Variants in DGKK observed in about 807,000 individuals in gnomAD.
DGKK encodes the protein diacylglycerol kinase kappa.
Under a neutral mutation model 92.2 loss-of-function variants are expected in DGKK, and 35 were observed. The observed-to-expected ratio is 0.38, with a 90% CI of 0.29 to 0.50. The LOEUF is 0.50. DGKK is among the 20% of genes least tolerant of loss of function. The probability of loss-of-function intolerance (pLI) is 0.92; values close to 1 mark genes in which losing one functional copy is unlikely to be tolerated. For synonymous variants in DGKK, 368 were observed against 360.6 expected, an observed-to-expected ratio of 1.02 and a Z score of -0.23; for missense variants, 910 against 992.2, an observed-to-expected ratio of 0.92 and a Z score of 1.11.
chrX:50,464,702 T>G (rs1926850189), intron 1 of DGKK, among the ~76,000 whole-genome samples: 1 of 111,197 alleles, frequency 9.0e-6, no homozygotes, highest in Admixed American at 9.6e-5. Context: ...TTTTTGTTTT[T>G]GGGAGAATAA....
intron 2 of DGKK, 142 bp downstream of exon 2, chrX:50,424,106 A>G: frequency 2.3e-6 from 1 of 431,791 alleles, no homozygotes; most frequent in Non-Finnish European, 3.9e-6. Flanking sequence ...TTGACCCAAA[A>G]GGGCAAGTTA....
Position 50,403,127 on chromosome X carries a change from C to T in DGKK, c.1242G>A (p.Val414=). The change falls in exon 7 of 28, where the codon GTG becomes GTA. Residue 414 remains valine (V), a synonymous_variant. Coordinates refer to ENST00000611977, the MANE Select transcript of DGKK (RefSeq NM_001013742.4). ...GNMPVSSQCA[V]CHESCGSYQR... The stretch of plus-strand genomic sequence containing the variant: ...GATAACTGCCACAGCTCTCATGACA[C>T]ACTGCACACTGAGAGCTGACAGGCA... 8.3e-7 allele frequency: 1 copy of T among 1,207,473 alleles called. No homozygotes were observed. The highest frequency in any genetic ancestry group is 1.1e-6 in the Non-Finnish European group (1 of 893,262).
chrX:50,381,747 A>T (rs1212422194), intron 18 of DGKK, among the ~76,000 whole-genome samples: 3 of 112,192 alleles, frequency 2.7e-5, no homozygotes, highest in African/African-American at 9.7e-5. Context: ...AAAACTGATC[A>T]ATTGGACCGC....
chrX:50,447,383 A>T lies in DGKK; in HGVS notation c.645+22651T>A, dbSNP rs78220687. Among the ~76,000 whole-genome samples the T allele has an allele frequency of 1.6e-3, 17 of 10,685 alleles. 1 individual carries two copies. Among genetic ancestry groups the T allele is most frequent in the African/African-American group, 7.2e-3 (8 of 1,115 alleles). The allele number at this position is 10,685 out of a possible 115,157, so 9.3% of individuals were successfully genotyped here. A position where few individuals can be genotyped will look rare whatever the true frequency, so the allele number is the denominator to read the frequency against. On this transcript the variant is annotated intron_variant, in intron 1 of 27. Transcript: ENST00000611977. ...ATATATATATATTATATATATATAT[A>T]ATATATATATATTATATATATATAT...
intron 1 of DGKK, among the ~76,000 whole-genome samples, chrX:50,439,428 G>A (rs142731226): frequency 0.013 from 1,400 of 110,888 alleles, 17 homozygotes; most frequent in African/African-American, 0.044. Flanking sequence ...CTCTCAGTAG[G>A]GATCAAGATA....
intron 8 of DGKK, among the ~76,000 whole-genome samples, chrX:50,398,595 G>A (rs1422193189): frequency 2.7e-5 from 3 of 111,617 alleles, no homozygotes; most frequent in Non-Finnish European, 5.6e-5. Context: ...TATCACTGGT[G>A]GAAAGAAGAA....
chrX:50,391,421 T>C lies in DGKK; in HGVS notation c.1844+16A>G. On this transcript the variant is annotated intron_variant, in intron 11 of 27. Coordinates refer to ENST00000611977, the MANE Select transcript of DGKK (RefSeq NM_001013742.4). ...GACAGGAAGAGGCACAAGGGCCTGG[T>C]CTTTCAGCCACTTACCTGTCTAGGA... 8.3e-7 allele frequency: 1 copy of C among 1,209,092 alleles called. No homozygotes were observed. The highest frequency in any genetic ancestry group is 1.1e-6 in the Non-Finnish European group (1 of 893,819).
At chrX:50,406,130 TC>T (rs1156699551) in intron 4 of DGKK, among the ~76,000 whole-genome samples, 1 of 112,145 alleles carries the variant, frequency 8.9e-6, no homozygotes, top group African/African-American at 3.2e-5. Context: ...GTGAAGCTCT[TC>T]TAGAATGTGC....
chrX:50,456,026 C>T (rs1926602337), intron 1 of DGKK, among the ~76,000 whole-genome samples: 1 of 111,911 alleles, frequency 8.9e-6, no homozygotes, highest in African/African-American at 3.2e-5. Context: ...AGTGCACAAC[C>T]TGTACAACTT....
At chrX:50,463,209 C>T (rs1309205198) in intron 1 of DGKK, among the ~76,000 whole-genome samples, 2 of 106,393 alleles carry the variant, frequency 1.9e-5, no homozygotes, top group African/African-American at 6.8e-5. Context: ...CTTTCCCACC[C>T]CTCCTTCTCT....
intron 10 of DGKK, among the ~76,000 whole-genome samples, chrX:50,391,875 T>A (rs1394790763): frequency 8.9e-6 from 1 of 112,229 alleles, no homozygotes; most frequent in Non-Finnish European, 1.9e-5. Flanking sequence ...AATTTCTATC[T>A]GGGCTGGGCC....
At chrX:50,463,363 C>T (rs1291538509) in intron 1 of DGKK, among the ~76,000 whole-genome samples, 1 of 81 alleles carries the variant, frequency 0.012, no homozygotes, top group Non-Finnish European at 0.017. Flanking sequence ...TTCTTTTTCC[C>T]TCTCCACCTC....
chrX:50,463,568 C>T (rs1452197133), intron 1 of DGKK, among the ~76,000 whole-genome samples: 6 of 100,565 alleles, frequency 6.0e-5, no homozygotes, highest in Non-Finnish European at 1.0e-4. Context: ...CCTTCTCTTC[C>T]TTCTTTCTCC....
intron 4 of DGKK, among the ~76,000 whole-genome samples, chrX:50,405,994 T>C (rs1925143606): frequency 8.9e-6 from 1 of 111,790 alleles, no homozygotes. Context: ...ACCTATTATG[T>C]ATCATCTACC....
At chrX:50,386,734 T>C in intron 14 of DGKK, 148 bp from the exon 15 acceptor site, 1 of 476,020 alleles carries the variant, frequency 2.1e-6, no homozygotes, top group Non-Finnish European at 3.5e-6. Flanking sequence ...TGTGAGAAGA[T>C]GAAGTACTTA....
rs1416297398 is a variant in DGKK at position 50,404,287 on chromosome X, G to T, written c.943-103C>A. 7 of 910,634 alleles carry T rather than the reference G, an allele frequency of 7.7e-6. No homozygotes were observed. The East Asian group carries it at 1.8e-4, about 24-fold the overall frequency. 75.0% of individuals were successfully genotyped at this position (910,634 alleles called of 1,213,427 possible). A position where few individuals can be genotyped will look rare whatever the true frequency, so the allele number is the denominator to read the frequency against. On this transcript the variant is annotated intron_variant, in intron 4 of 27. Coordinates refer to ENST00000611977, the MANE Select transcript of DGKK (RefSeq NM_001013742.4). ...TAAGTCTAAAATGGCCTGCTGTATA[G>T]GTGTCAGAGCGTGTGAAGGGGAAGA... is the stretch of plus-strand genomic sequence containing the variant.
intron 1 of DGKK, among the ~76,000 whole-genome samples, chrX:50,428,597 A>C (rs1453293873): frequency 8.9e-6 from 1 of 111,956 alleles, no homozygotes; most frequent in Non-Finnish European, 1.9e-5. Context: ...TTGTTAATTA[A>C]GTTAGAATGC....
At chrX:50,386,684 G>C (rs1924551560) in intron 14 of DGKK, 98 bp from the exon 15 acceptor site, 2 of 690,617 alleles carry the variant, frequency 2.9e-6, no homozygotes, top group Admixed American at 6.3e-5. Context: ...GGTAGGGAGG[G>C]GTAAGAGTTG....
intron 1 of DGKK, among the ~76,000 whole-genome samples, chrX:50,442,768 A>G (rs781883660): frequency 9.0e-6 from 1 of 111,608 alleles, no homozygotes; most frequent in Non-Finnish European, 1.9e-5. Context: ...GTGTCACCAG[A>G]CTGTGATCTA....
Sources: gnomAD v4.1 joint callset for allele counts (sites outside exome capture counted in the v4.1 genomes callset) on GRCh38, gnomAD v4.1.1 for gene constraint, MANE v1.5 for transcripts, NCBI Gene and HGNC (gene_info 2026-07-23, HGNC 2026-07-21) for gene names.